Variants in SMAD5 observed in about 807,000 individuals in gnomAD.
SMAD5 encodes MAD, mothers against decapentaplegic homolog 5.
In SMAD5, 9 loss-of-function variants were observed where a neutral mutation model predicts 43.1. The observed-to-expected ratio is 0.21, with a 90% CI of 0.13 to 0.36. The LOEUF is 0.36. Among genes scored for constraint, SMAD5 ranks in the 10% least tolerant of loss-of-function variants. SMAD5 has a pLI of 1.00. For synonymous variants in SMAD5, 190 were observed against 192.4 expected (o/e 0.99, Z 0.10); for missense variants, 348 against 574.0 (o/e 0.61, Z 4.02).
At chr5:136,159,189 ACT>A (rs1327112022) in intron 3 of SMAD5, among the ~76,000 whole-genome samples, 2 of 152,152 alleles carry the variant, frequency 1.3e-5, no homozygotes, top group African/African-American at 2.4e-5. Flanking sequence ...GTTATATTTA[ACT>A]CTATTTTGGG....
In SMAD5 at chr5:136,161,029, T is replaced by C. The variant is rs376093628; in HGVS notation, c.577T>C (p.Tyr193His). ...TPFPLSPNSP[Y>H]PPSPASSTYP... ...TTTTCCCTTATCTCCAAACAGCCCT[T>C]ATCCCCCTTCTCCTGCTAGCAGCAC... Residue 193 changes from tyrosine to histidine, a missense_variant, in exon 4 of 8, where the codon TAT becomes CAT. This residue lies in a region of SMAD5 where 185 missense variants were observed against 207.0 expected (regional missense o/e 0.89). Coordinates refer to ENST00000545279, the MANE Select transcript of SMAD5 (RefSeq NM_005903.7). The C allele has an allele frequency of 3.1e-6, 5 of 1,613,794 alleles. No individual in the cohort carries two copies. Among genetic ancestry groups the C allele is most frequent in the Non-Finnish European group, 8.5e-7 (1 of 1,179,820 alleles).
At chr5:136,152,521 CT>C (rs1753505921) in intron 2 of SMAD5, among the ~76,000 whole-genome samples, 1 of 152,064 alleles carries the variant, frequency 6.6e-6, no homozygotes, top group Non-Finnish European at 1.5e-5. Flanking sequence ...AAAGCTATAG[CT>C]TTTGGCAATT....
At chr5:136,140,548 G>A (rs1753042503) in intron 1 of SMAD5, among the ~76,000 whole-genome samples, 1 of 151,910 alleles carries the variant, frequency 6.6e-6, no homozygotes, top group Non-Finnish European at 1.5e-5. Context: ...TCTTTGCATT[G>A]CCTGTTGCCT....
rs762029411 is a variant in SMAD5, at chr5:136,177,432, C to T, written c.1350C>T (p.Val450=). The T allele has an allele frequency of 2.5e-6, 4 of 1,612,628 alleles. No homozygotes were observed. In the Admixed American group the frequency reaches 6.7e-5, roughly 27 times the overall value. Reference sequence around the variant, plus strand: ...GGCCTCTTCAGTGGCTGGATAAAGTCCTTACTCAGATGGGCTCCCCTCTGA... The same window carrying T: ...GGCCTCTTCAGTGGCTGGATAAAGTTCTTACTCAGATGGGCTCCCCTCTGA... The part of the protein sequence containing the change: ...LHGPLQWLDK[V]LTQMGSPLNP... The change falls in exon 8 of 8, where the codon GTC becomes GTT. Residue 450 remains valine (V), a synonymous_variant. Transcript: ENST00000545279.
chr5:136,164,496 G>A (rs548945159), intron 5 of SMAD5, among the ~76,000 whole-genome samples: 1 of 152,220 alleles, frequency 6.6e-6, no homozygotes, highest in South Asian at 2.1e-4. Context: ...GCAATGATGA[G>A]CATTTTTTAA....
chr5:136,147,037 A>G (rs1359370815), intron 1 of SMAD5, among the ~76,000 whole-genome samples: 1 of 151,698 alleles, frequency 6.6e-6, no homozygotes, highest in African/African-American at 2.4e-5. Flanking sequence ...ACCATATGTT[A>G]ATGGTATGAT....
chr5:136,181,402 G>A lies in SMAD5; in HGVS notation c.*3922G>A, dbSNP rs1236149817. On this transcript the variant is annotated 3_prime_UTR_variant, in exon 8 of 8. Coordinates refer to ENST00000545279, the MANE Select transcript of SMAD5 (RefSeq NM_005903.7). ...TCATCGTTATATTGTTCAGCTAGATGAGCAAGTATCTTAGGGTAGTAGGTA... is the reference window on the plus strand; with the variant it reads ...TCATCGTTATATTGTTCAGCTAGATAAGCAAGTATCTTAGGGTAGTAGGTA... 1.6e-4 allele frequency: 25 copies of A among 152,114 alleles called. No homozygotes were observed. The allele number at this position is 152,114 out of a possible 1,614,324, so 9.4% of individuals were successfully genotyped here.
chr5:136,151,929 C>G (rs934056486), intron 2 of SMAD5, among the ~76,000 whole-genome samples: 2 of 152,116 alleles, frequency 1.3e-5, no homozygotes, highest in Non-Finnish European at 2.9e-5. Flanking sequence ...CAACTGAGGT[C>G]AGCCCTTCTT....
intron 4 of SMAD5, among the ~76,000 whole-genome samples, chr5:136,162,986 A>G (rs1056720659): frequency 2.0e-5 from 3 of 152,140 alleles, no homozygotes; most frequent in African/African-American, 7.2e-5. Context: ...ATAAAGGCAA[A>G]ATTCTTGACC....
intron 1 of SMAD5, among the ~76,000 whole-genome samples, chr5:136,138,604 TACTTGCTGAC>T (rs1285291291): frequency 2.0e-5 from 3 of 152,194 alleles, no homozygotes; most frequent in Admixed American, 6.5e-5. Context: ...GGTGGTTGTC[TACTTGCTGAC>T]ACTTGGTGAC....
chr5:136,165,066 T>C (rs2149775835), intron 5 of SMAD5, among the ~76,000 whole-genome samples: 1 of 152,308 alleles, frequency 6.6e-6, no homozygotes, highest in African/African-American at 2.4e-5. Context: ...TATCTATACC[T>C]CATAGTCTTG....
chr5:136,164,939 C>G (rs1033642015), intron 5 of SMAD5, among the ~76,000 whole-genome samples: 9 of 152,088 alleles, frequency 5.9e-5, no homozygotes, highest in African/African-American at 2.2e-4. Flanking sequence ...ATATAGAAAT[C>G]CAGTTGGCTT....
chr5:136,159,085 A>G (rs1156572239), intron 3 of SMAD5, among the ~76,000 whole-genome samples: 2 of 152,224 alleles, frequency 1.3e-5, no homozygotes, highest in African/African-American at 2.4e-5. Flanking sequence ...TAGTAAAAAC[A>G]TTGTTCAAGA....
intron 1 of SMAD5, among the ~76,000 whole-genome samples, chr5:136,139,569 A>G (rs1330920710): frequency 1.3e-5 from 2 of 152,062 alleles, no homozygotes; most frequent in Admixed American, 6.5e-5. Flanking sequence ...CCCCACTGCT[A>G]TCACCCTGGT....
intron 3 of SMAD5, among the ~76,000 whole-genome samples, chr5:136,154,896 G>A (rs1753582248): frequency 6.6e-6 from 1 of 152,054 alleles, no homozygotes; most frequent in Non-Finnish European, 1.5e-5. Flanking sequence ...TTCTGTGTTT[G>A]GCCCCTAAGA....
chr5:136,160,084 G>A (rs916955499), intron 3 of SMAD5, among the ~76,000 whole-genome samples: 4 of 152,146 alleles, frequency 2.6e-5, no homozygotes, highest in East Asian at 1.9e-4. Flanking sequence ...TAGAGAAAGC[G>A]AATATTTGAA....
At position 136,179,281 on chromosome 5, in the gene SMAD5, C is replaced by G. The variant is rs1754536472; in HGVS notation, c.*1801C>G. 6.6e-6 allele frequency: 1 copy of G among 151,988 alleles called. No homozygotes were observed. The highest frequency in any genetic ancestry group is 6.6e-5 in the Admixed American group (1 of 15,218). 9.4% of individuals were successfully genotyped at this position (151,988 alleles called of 1,614,324 possible). A position where few individuals can be genotyped will look rare whatever the true frequency, so the allele number is the denominator to read the frequency against. On this transcript the variant is annotated 3_prime_UTR_variant, in exon 8 of 8. Transcript: ENST00000545279. ...AACCAGTTTTTTTCTCAGGAGCTGT[C>G]AAATGGACACTTAATTATGACATGA...
chr5:136,148,809 A>T (rs1753353740), intron 2 of SMAD5, among the ~76,000 whole-genome samples: 1 of 151,870 alleles, frequency 6.6e-6, no homozygotes, highest in Non-Finnish European at 1.5e-5. Flanking sequence ...CATGGTTCAT[A>T]AGCCATTATG....
rs58156387 is a variant in SMAD5 at position 136,165,662 on chromosome 5, A to ATTTTTTTTT, written c.775+2300_775+2308dup. Among the ~76,000 whole-genome samples, 9 of 65,450 alleles carry ATTTTTTTTT rather than the reference A, an allele frequency of 1.4e-4. 1 individual carries two copies. The highest frequency in any genetic ancestry group is 2.1e-4 in the Non-Finnish European group (7 of 33,258). The allele number at this position is 65,450 out of a possible 152,430, so 42.9% of individuals were successfully genotyped here. The stretch of plus-strand genomic sequence containing the variant: ...TACTTCATATAAATGGAATCATACA[A>ATTTTTTTTT]TTTTTTTTTTTTTTTTTTTTTTTTT... On this transcript the variant is annotated intron_variant, in intron 5 of 7. Coordinates refer to ENST00000545279, the MANE Select transcript of SMAD5 (RefSeq NM_005903.7).
Sources: allele counts gnomAD v4.1 joint callset (sites outside exome capture counted in the v4.1 genomes callset), GRCh38; gene constraint gnomAD v4.1.1; regional missense constraint gnomAD v4.1.1; transcripts MANE v1.5; gene names NCBI Gene and HGNC (gene_info 2026-07-23, HGNC 2026-07-21).